The following CSGALNACT1 variants were observed in gnomAD, a reference collection of about 807,000 sequenced individuals.
CSGALNACT1 encodes beta4GalNAcT-1.
CSGALNACT1 carries 52 observed loss-of-function variants against 51.0 expected under a neutral mutation model. That is an observed-to-expected ratio of 1.02 (90% CI 0.82 to 1.29). The LOEUF (loss-of-function observed/expected upper bound fraction) is 1.29. Among genes scored for constraint, CSGALNACT1 ranks in the 50% most tolerant of loss-of-function variants. CSGALNACT1 has a pLI of 0.00. For missense variants in CSGALNACT1, 935 were observed against 679.2 expected (o/e 1.38, Z -4.19); for synonymous variants, 341 against 254.4 (o/e 1.34, Z -3.24).
intron 4 of CSGALNACT1, among the ~76,000 whole-genome samples, chr8:19,504,983 G>A (rs2077032604): frequency 1.3e-5 from 2 of 152,162 alleles, no homozygotes; most frequent in South Asian, 4.1e-4. Context: ...CAATGAAACT[G>A]TCCACTCAAT....
chr8:19,428,526 A>C (rs2153718570), intron 6 of CSGALNACT1, among the ~76,000 whole-genome samples: 1 of 152,266 alleles, frequency 6.6e-6, no homozygotes, highest in South Asian at 2.1e-4. Context: ...CTCCCACAAC[A>C]CGTGGGAATT....
intron 3 of CSGALNACT1, among the ~76,000 whole-genome samples, chr8:19,553,620 C>CATTATATATATATATATAT (rs1554697188): frequency 1.3e-4 from 9 of 71,578 alleles, no homozygotes; most frequent in Non-Finnish European, 2.5e-5. Flanking sequence ...TATATAAATA[C>CATTATATATATATATATAT]ATATATATAT....
intron 3 of CSGALNACT1, among the ~76,000 whole-genome samples, chr8:19,517,954 C>T (rs974035297): frequency 4.6e-5 from 7 of 152,176 alleles, no homozygotes; most frequent in African/African-American, 9.7e-5. Context: ...ATGTGTCAAA[C>T]TAACATTCTT....
At chr8:19,438,877 G>C (rs2060829343) in intron 6 of CSGALNACT1, among the ~76,000 whole-genome samples, 1 of 152,150 alleles carries the variant, frequency 6.6e-6, no homozygotes, top group Non-Finnish European at 1.5e-5. Flanking sequence ...AAAATAAAAA[G>C]TACACTCAGT....
chr8:19,445,106 C>T (rs112597884), intron 5 of CSGALNACT1, among the ~76,000 whole-genome samples: 3 of 152,248 alleles, frequency 2.0e-5, no homozygotes, highest in Non-Finnish European at 4.4e-5. Context: ...TAGGATGTAA[C>T]GATATGTTTT....
chr8:19,520,261 T>C (rs2080391376), intron 3 of CSGALNACT1, among the ~76,000 whole-genome samples: 1 of 152,218 alleles, frequency 6.6e-6, no homozygotes, highest in Non-Finnish European at 1.5e-5. Context: ...GGCTTCTCTC[T>C]TTGTGCCATC....
rs552235766 is a variant in CSGALNACT1, at chr8:19,725,534, C to T, written c.-297+32316G>A. Among the ~76,000 whole-genome samples, 3 of 150,740 alleles carry T rather than the reference C, an allele frequency of 2.0e-5. No homozygotes were observed. The South Asian group carries it at 6.3e-4, about 32-fold the overall frequency. ...CTGCCTTCCGGTTTCAAGCGATTCT[C>T]CTGCCTCAGCCTCCCTAATAGCTGG... On this transcript the variant is annotated intron_variant, in intron 1 of 1. Transcript: ENST00000517494.
Position 19,658,695 on chromosome 8 carries a change from C to G in CSGALNACT1, c.-544+23778G>C, listed in dbSNP as rs137913283. 4.3e-3 allele frequency among the ~76,000 whole-genome samples: 654 copies of G among 152,276 alleles called. 5 individuals are homozygous for G. Among genetic ancestry groups the G allele is most frequent in the African/African-American group, 0.015 (625 of 41,534 alleles). ...GTTACAGTGAGCTGAGATCGCGACA[C>G]TGCACTCCAGCCTGGGTGACAAAGC... On this transcript the variant is annotated intron_variant, in intron 1 of 9. Transcript: ENST00000332246.
intron 1 of CSGALNACT1, among the ~76,000 whole-genome samples, chr8:19,720,661 C>G (rs910189941): frequency 2.0e-5 from 3 of 152,026 alleles, no homozygotes; most frequent in Non-Finnish European, 2.9e-5. Context: ...CATGCTGATT[C>G]TCTCTCTCCA....
chr8:19,548,905 G>A (rs560981176), intron 3 of CSGALNACT1, among the ~76,000 whole-genome samples: 12 of 152,138 alleles, frequency 7.9e-5, no homozygotes, highest in South Asian at 4.1e-4. Context: ...TGCAGCTCCC[G>A]CCTCCCAGGC....
chr8:19,470,474 G>A (rs1481554660), intron 4 of CSGALNACT1, among the ~76,000 whole-genome samples: 2 of 152,160 alleles, frequency 1.3e-5, no homozygotes, highest in Non-Finnish European at 2.9e-5. Context: ...CTCCAGCAGC[G>A]TGAGGAACAC....
chr8:19,729,743 C>A (rs1299125217), intron 1 of CSGALNACT1, among the ~76,000 whole-genome samples: 1 of 152,164 alleles, frequency 6.6e-6, no homozygotes, highest in Non-Finnish European at 1.5e-5. Context: ...GCCCTTCCCC[C>A]TCATTTATCC....
intron 1 of CSGALNACT1, among the ~76,000 whole-genome samples, chr8:19,724,809 G>A (rs1432916136): frequency 1.3e-5 from 2 of 152,188 alleles, no homozygotes; most frequent in Non-Finnish European, 2.9e-5. Context: ...TGCATCCTCT[G>A]CGTGTTGTTG....
At chr8:19,481,300 T>C (rs1312545031) in intron 4 of CSGALNACT1, among the ~76,000 whole-genome samples, 1 of 152,146 alleles carries the variant, frequency 6.6e-6, no homozygotes, top group East Asian at 1.9e-4. Flanking sequence ...GGTTGGCACC[T>C]TGCTAGTCAC....
chr8:19,678,756 G>C (rs879668705), intron 1 of CSGALNACT1: 1 of 152,296 alleles, frequency 6.6e-6, no homozygotes, highest in East Asian at 1.9e-4. Flanking sequence ...TTCAGCACAT[G>C]AAACAGATTC....
chr8:19,565,699 A>G (rs1322054663), intron 3 of CSGALNACT1, among the ~76,000 whole-genome samples: 1 of 152,216 alleles, frequency 6.6e-6, no homozygotes, highest in African/African-American at 2.4e-5. Context: ...TGGGTGGATC[A>G]TCTGAGGTCA....
At chr8:19,404,359 T>C (rs760984516) in exon 10 of CSGALNACT1, 8 of 453,812 alleles carry the variant, frequency 1.8e-5, no homozygotes, top group Non-Finnish European at 4.4e-6. Context: ...AAGAGATAAT[T>C]AGCTCATGCA....
chr8:19,553,640 A>ACATATATATATATATATATAT (rs201836569), intron 3 of CSGALNACT1, among the ~76,000 whole-genome samples: 2 of 117,044 alleles, frequency 1.7e-5, no homozygotes, highest in African/African-American at 7.4e-5. Context: ...TATATATATA[A>ACATATATATATATATATATAT]AAAAATATGT....
chr8:19,755,472 A>AAAAAAAAAAAAAAAAAAAC (rs1343012879), intron 1 of CSGALNACT1, among the ~76,000 whole-genome samples: 1 of 150,156 alleles, frequency 6.7e-6, no homozygotes, highest in African/African-American at 2.4e-5. Flanking sequence ...AAAAAAAAAA[A>AAAAAAAAAAAAAAAAAAAC]AAAAAAAAAG....
Sources: gnomAD v4.1 joint callset for allele counts (sites outside exome capture counted in the v4.1 genomes callset) on GRCh38, gnomAD v4.1.1 for gene constraint, MANE v1.5 for transcripts, NCBI Gene and HGNC (gene_info 2026-07-23, HGNC 2026-07-21) for gene names.